The following MYO1B variants were observed in gnomAD, a reference collection of about 807,000 sequenced individuals.
MYO1B encodes the protein unconventional myosin-Ib.
In MYO1B, 72 loss-of-function variants were observed where a neutral mutation model predicts 159.7. The observed-to-expected ratio is 0.45, with a 90% confidence interval of 0.37 to 0.55. The LOEUF (loss-of-function observed/expected upper bound fraction) is 0.55. MYO1B is among the 20% of genes least tolerant of loss of function. The probability of loss-of-function intolerance (pLI) is 0.00; values close to 1 mark genes in which losing one functional copy is unlikely to be tolerated. For synonymous variants in MYO1B, 468 were observed against 473.8 expected (o/e 0.99, Z 0.16); for missense variants, 1,062 against 1,364.8 (o/e 0.78, Z 3.50).
intron 4 of MYO1B, among the ~76,000 whole-genome samples, chr2:191,334,739 G>A (rs906185865): frequency 1.3e-5 from 2 of 152,156 alleles, no homozygotes; most frequent in African/African-American, 2.4e-5. Flanking sequence ...GCTTCAGGGA[G>A]GAGGCTGGAG....
rs759116122 is a variant in MYO1B, at chr2:191,364,240, A to G, written c.996A>G (p.Lys332=). 1 of 1,613,932 alleles carries G rather than the reference A, an allele frequency of 6.2e-7. No homozygotes were observed. The highest frequency in any genetic ancestry group is 1.1e-5 in the South Asian group (1 of 91,082). The change falls in exon 11 of 31, where the codon AAA becomes AAG. Residue 332 remains lysine (K), a synonymous_variant. Coordinates refer to ENST00000392318, the MANE Select transcript of MYO1B (RefSeq NM_001130158.3). ...RAFSFRTVEA[K]QEKVSTTLNV... ...TCAGTTTCCGAACAGTTGAGGCCAA[A>G]CAGGAGAAAGTTTCAACTACACTGA...
chr2:191,324,379 C>A (rs1331992474), intron 3 of MYO1B, among the ~76,000 whole-genome samples: 2 of 151,114 alleles, frequency 1.3e-5, no homozygotes, highest in Non-Finnish European at 3.0e-5. Context: ...TCGTATAATT[C>A]CATTTACTTT....
At chr2:191,300,528 G>C (rs1689256372) in intron 3 of MYO1B, among the ~76,000 whole-genome samples, 1 of 151,564 alleles carries the variant, frequency 6.6e-6, no homozygotes, top group African/African-American at 2.4e-5. Flanking sequence ...ATTTTTAGTA[G>C]AGACAGGTTT....
chr2:191,269,048 T>C (rs1331952182), intron 1 of MYO1B, among the ~76,000 whole-genome samples: 1 of 152,236 alleles, frequency 6.6e-6, no homozygotes, highest in Non-Finnish European at 1.5e-5. Context: ...TTTTTAAGTG[T>C]ACAGTTTAGT....
intron 1 of MYO1B, among the ~76,000 whole-genome samples, chr2:191,260,038 G>A (rs1369770220): frequency 6.6e-6 from 1 of 152,016 alleles, no homozygotes; most frequent in Non-Finnish European, 1.5e-5. Context: ...GAAGGCGGAG[G>A]ATAGAACTCT....
chr2:191,419,376 GCC>G (rs1697789340), intron 30 of MYO1B, among the ~76,000 whole-genome samples: 1 of 151,910 alleles, frequency 6.6e-6, no homozygotes, highest in Non-Finnish European at 1.5e-5. Context: ...CCGCCACCAC[GCC>G]CGGCTAATTT....
intron 27 of MYO1B, among the ~76,000 whole-genome samples, chr2:191,412,276 A>T (rs985125192): frequency 6.6e-6 from 1 of 152,086 alleles, no homozygotes; most frequent in Non-Finnish European, 1.5e-5. Flanking sequence ...CTTTTTTTTT[A>T]TACATTTTTA....
chr2:191,308,342 G>C (rs1689779642), intron 3 of MYO1B, among the ~76,000 whole-genome samples: 3 of 152,192 alleles, frequency 2.0e-5, no homozygotes, highest in Admixed American at 1.3e-4. Flanking sequence ...TAGAAAGCTT[G>C]TCCTGAAATA....
rs1161609716 is a variant in MYO1B, at chr2:191,424,799, T to C, written c.*839T>C. The C allele has an allele frequency of 6.6e-6, 1 of 152,610 alleles. No individual in the cohort carries two copies. The highest frequency in any genetic ancestry group is 1.5e-5 in the Non-Finnish European group (1 of 68,016). 9.5% of individuals were successfully genotyped at this position (152,610 alleles called of 1,614,324 possible). A position where few individuals can be genotyped will look rare whatever the true frequency, so the allele number is the denominator to read the frequency against. Reference sequence around the variant, plus strand: ...TCGAAATGATAATATCTCCAGAATATTGTTTTCACCCAAATTTGAGTAGAT... The same window carrying C: ...TCGAAATGATAATATCTCCAGAATACTGTTTTCACCCAAATTTGAGTAGAT... On this transcript the variant is annotated 3_prime_UTR_variant, in exon 31 of 31. Coordinates refer to ENST00000392318, the MANE Select transcript of MYO1B (RefSeq NM_001130158.3).
intron 3 of MYO1B, among the ~76,000 whole-genome samples, chr2:191,321,536 C>T (rs1014181429): frequency 3.9e-5 from 6 of 152,100 alleles, no homozygotes; most frequent in Non-Finnish European, 8.8e-5. Context: ...AGTAAAAATG[C>T]TTTAAGAGCT....
At chr2:191,303,185 G>T (rs1689441846) in intron 3 of MYO1B, among the ~76,000 whole-genome samples, 1 of 150,248 alleles carries the variant, frequency 6.7e-6, no homozygotes, top group South Asian at 2.1e-4. Flanking sequence ...TATGTAGTCA[G>T]TTTTTTTTTT....
intron 8 of MYO1B, 22 bp downstream of exon 8, chr2:191,360,751 GTGTTGT>G (rs71403288): frequency 2.4e-4 from 265 of 1,117,302 alleles, no homozygotes; most frequent in Admixed American, 1.5e-3. Flanking sequence ...TTTCTATGTG[GTGTTGT>G]TGTTGTTGTT....
At chr2:191,377,437 C>T (rs143040918) in intron 13 of MYO1B, 1 of 152,174 alleles carries the variant, frequency 6.6e-6, no homozygotes, top group South Asian at 2.1e-4. Context: ...TGCCCACTTC[C>T]TCTTCTGGAG....
At chr2:191,326,279 G>C (rs1179395716) in intron 3 of MYO1B, among the ~76,000 whole-genome samples, 16 of 152,164 alleles carry the variant, frequency 1.1e-4, no homozygotes, top group Admixed American at 1.0e-3. Flanking sequence ...TCAGTTTATA[G>C]TTATAAATGT....
Position 191,331,993 on chromosome 2 carries a change from G to T in MYO1B, c.346+1964G>T, listed in dbSNP as rs550828283. ...CTTTTTCTTTTTGAGACAGAGTCTC[G>T]CTCTTATAGCCCTGGCTGGAGTGCA... On this transcript the variant is annotated intron_variant, in intron 4 of 30. Transcript: ENST00000392318. Among the ~76,000 whole-genome samples the T allele has an allele frequency of 8.5e-5, 13 of 152,258 alleles. No homozygotes were observed. In the South Asian group the frequency reaches 2.7e-3, roughly 32 times the overall value.
intron 13 of MYO1B, 36 bp from the exon 14 acceptor site, chr2:191,381,426 T>C (rs1695035452): frequency 1.4e-6 from 2 of 1,425,006 alleles, no homozygotes; most frequent in South Asian, 2.3e-5. Context: ...GCTAGTGGCA[T>C]GGTTTATAAA....
In MYO1B at chr2:191,393,063, T is replaced by A; in HGVS notation, c.2077-10T>A. On this transcript the variant is annotated splice_polypyrimidine_tract_variant and intron_variant, in intron 19 of 30. Coordinates refer to ENST00000392318, the MANE Select transcript of MYO1B (RefSeq NM_001130158.3). ...GATTTTTGATAAGTCCATCTATCAT[T>A]TCTTATTAGTTATTCAAATTAGAAG... is the stretch of plus-strand genomic sequence containing the variant. The A allele has an allele frequency of 3.7e-6, 6 of 1,611,620 alleles. No homozygotes were observed. The highest frequency in any genetic ancestry group is 5.1e-6 in the Non-Finnish European group (6 of 1,178,582).
intron 3 of MYO1B, among the ~76,000 whole-genome samples, chr2:191,303,243 C>G (rs1689445912): frequency 6.6e-6 from 1 of 151,948 alleles, no homozygotes; most frequent in Admixed American, 6.6e-5. Context: ...TTTGAGAGCT[C>G]TTATTGCAAG....
intron 11 of MYO1B, among the ~76,000 whole-genome samples, chr2:191,364,772 G>T (rs1440989058): frequency 6.6e-6 from 1 of 152,236 alleles, no homozygotes; most frequent in Non-Finnish European, 1.5e-5. Context: ...CTTGAACCAG[G>T]TAGTCGCAGT....
Sources: gnomAD v4.1 joint callset for allele counts (sites outside exome capture counted in the v4.1 genomes callset) on GRCh38, gnomAD v4.1.1 for gene constraint, MANE v1.5 for transcripts, NCBI Gene and HGNC (gene_info 2026-07-23, HGNC 2026-07-21) for gene names.